NFIB: variants seen among roughly 807,000 people sequenced by gnomAD.
NFIB encodes nuclear factor I B.
A neutral mutation model predicts 61.5 loss-of-function variants in NFIB; 11 were observed. The observed-to-expected ratio is 0.18, with a 90% CI of 0.11 to 0.30. The LOEUF is 0.30. Ranked by LOEUF, NFIB falls within the 10% of genes least tolerant of loss-of-function variation. NFIB has a pLI of 1.00. For missense variants in NFIB, 471 were observed against 608.9 expected (o/e 0.77, Z 2.38); for synonymous variants, 260 against 216.5 (o/e 1.20, Z -1.76).
the NFIB span, among the ~76,000 whole-genome samples, chr9:14,501,366 C>G: frequency 1.3e-5 from 2 of 152,300 alleles, no homozygotes; most frequent in South Asian, 4.1e-4. Context: ...CTTTGGTATA[C>G]AGATTTCTTG....
At chr9:14,213,801 T>A (rs936317508) in intron 2 of NFIB, among the ~76,000 whole-genome samples, 8 of 152,224 alleles carry the variant, frequency 5.3e-5, no homozygotes, top group Admixed American at 1.3e-4. Context: ...TGGGCTGAGT[T>A]TTATGTCCCT....
intron 1 of NFIB, among the ~76,000 whole-genome samples, chr9:14,390,435 A>G (rs1407842353): frequency 6.6e-6 from 1 of 152,344 alleles, no homozygotes; most frequent in East Asian, 1.9e-4. Context: ...AAAAAAATTG[A>G]TATGTCAAAG....
At chr9:14,430,404 A>G in the NFIB span, among the ~76,000 whole-genome samples, 4 of 152,124 alleles carry the variant, frequency 2.6e-5, no homozygotes, top group Non-Finnish European at 5.9e-5. Context: ...TGAGCAAATG[A>G]TGTTATAATT....
chr9:14,459,593 G>A, the NFIB span, among the ~76,000 whole-genome samples: 1 of 151,914 alleles, frequency 6.6e-6, no homozygotes, highest in African/African-American at 2.4e-5. Context: ...CTACAGAATG[G>A]GAGAAAATTT....
rs559361893 is a variant in NFIB, at chr9:14,249,381, G to A, written c.562+57608C>T. Among the ~76,000 whole-genome samples the A allele has an allele frequency of 3.0e-4, 46 of 152,062 alleles. 1 individual carries two copies. In the South Asian group the frequency reaches 8.5e-3, roughly 28 times the overall value. On this transcript the variant is annotated intron_variant, in intron 2 of 10. Coordinates refer to ENST00000380953, the MANE Select transcript of NFIB (RefSeq NM_001190737.2). ...GTATTACCAAGAAATAGTATTACTCGGAAATCTCACATATTTATAAGATCC... is the reference window on the plus strand; with the variant it reads ...GTATTACCAAGAAATAGTATTACTCAGAAATCTCACATATTTATAAGATCC...
intron 2 of NFIB, among the ~76,000 whole-genome samples, chr9:14,237,487 T>G (rs963812066): frequency 5.3e-5 from 8 of 152,306 alleles, no homozygotes; most frequent in African/African-American, 1.9e-4. Flanking sequence ...CTCTTCATTA[T>G]GTCTATGTAC....
At chr9:14,390,211 G>T (rs2061603566) in intron 1 of NFIB, among the ~76,000 whole-genome samples, 1 of 152,144 alleles carries the variant, frequency 6.6e-6, no homozygotes, top group Non-Finnish European at 1.5e-5. Context: ...ACAACAGACA[G>T]ATCTGAGTTT....
intron 2 of NFIB, among the ~76,000 whole-genome samples, chr9:14,185,740 G>C (rs1214458792): frequency 6.6e-6 from 1 of 152,146 alleles, no homozygotes; most frequent in Non-Finnish European, 1.5e-5. Context: ...AAGTCAAACA[G>C]ATAAATTTCT....
At chr9:14,360,512 T>A (rs2061225574) in intron 1 of NFIB, among the ~76,000 whole-genome samples, 1 of 151,904 alleles carries the variant, frequency 6.6e-6, no homozygotes, top group Non-Finnish European at 1.5e-5. Context: ...ATGATTTGGG[T>A]GGAAAAATAT....
chr9:14,354,780 CTGTGTGTGTGTGTGTGTGTGTG>C (rs67877825), intron 1 of NFIB, among the ~76,000 whole-genome samples: 1 of 145,776 alleles, frequency 6.9e-6, no homozygotes, highest in South Asian at 2.2e-4. Context: ...AATGGGTACT[CTGTGTGTGTGTGTGTGTGTGTG>C]TGTGTGTGTG....
At chr9:14,514,670 C>G in the NFIB span, among the ~76,000 whole-genome samples, 1 of 152,206 alleles carries the variant, frequency 6.6e-6, no homozygotes, top group East Asian at 1.9e-4. Context: ...TTGATCTAAT[C>G]TGGTGTGTGC....
At chr9:14,323,540 G>T (rs1047489514) in intron 1 of NFIB, among the ~76,000 whole-genome samples, 2 of 152,166 alleles carry the variant, frequency 1.3e-5, no homozygotes, top group African/African-American at 4.8e-5. Context: ...ATTTAGAAAA[G>T]ATTTTATTAC....
chr9:14,336,890 C>G (rs2060892085), intron 1 of NFIB, among the ~76,000 whole-genome samples: 1 of 152,166 alleles, frequency 6.6e-6, no homozygotes, highest in African/African-American at 2.4e-5. Context: ...TCCGTCACAA[C>G]TACTCAACTC....
intron 6 of NFIB, among the ~76,000 whole-genome samples, chr9:14,143,691 T>C (rs967927587): frequency 1.3e-5 from 2 of 152,126 alleles, no homozygotes; most frequent in African/African-American, 2.4e-5. Flanking sequence ...ATACAAGACA[T>C]GTCAAAGCTA....
At chr9:14,363,411 A>G (rs1453722003) in intron 1 of NFIB, among the ~76,000 whole-genome samples, 1 of 152,134 alleles carries the variant, frequency 6.6e-6, no homozygotes. Context: ...CAAGTTTCCA[A>G]GTGTGCTCCT....
intron 6 of NFIB, among the ~76,000 whole-genome samples, chr9:14,139,973 A>G (rs1415789552): frequency 6.6e-6 from 1 of 152,192 alleles, no homozygotes; most frequent in Non-Finnish European, 1.5e-5. Context: ...TATTTTCCAT[A>G]ATAAGAAGCT....
At chr9:14,428,761 TC>T in the NFIB span, among the ~76,000 whole-genome samples, 1 of 152,114 alleles carries the variant, frequency 6.6e-6, no homozygotes, top group Non-Finnish European at 1.5e-5. Context: ...TTGAGGTAAT[TC>T]CCCCAGATTG....
the NFIB span, among the ~76,000 whole-genome samples, chr9:14,528,322 G>C: frequency 6.6e-6 from 1 of 152,094 alleles, no homozygotes; most frequent in Non-Finnish European, 1.5e-5. Flanking sequence ...TTATGTGAGG[G>C]TACTTGGTTC....
chr9:14,098,928 C>G (rs551997233), intron 10 of NFIB, among the ~76,000 whole-genome samples: 1 of 152,298 alleles, frequency 6.6e-6, no homozygotes, highest in East Asian at 1.9e-4. Flanking sequence ...GCTTTGGTTC[C>G]TAAGGGAATG....
Sources: gnomAD v4.1 joint callset for allele counts (sites outside exome capture counted in the v4.1 genomes callset) on GRCh38, gnomAD v4.1.1 for gene constraint, MANE v1.5 for transcripts, NCBI Gene and HGNC (gene_info 2026-07-23, HGNC 2026-07-21) for gene names.